The following DENND4C variants were observed in gnomAD, a reference collection of about 807,000 sequenced individuals.
DENND4C encodes DENN domain-containing protein 4C.
A neutral mutation model predicts 203.0 loss-of-function variants in DENND4C; 108 were observed. The ratio of observed to expected loss-of-function variants is 0.53; its 90% CI spans 0.46 to 0.62. The LOEUF is 0.62. Ranked by LOEUF, DENND4C falls within the 20% of genes least tolerant of loss-of-function variation. The pLI is 0.00. For missense variants in DENND4C, 2,481 were observed against 2,301.2 expected (o/e 1.08, Z -1.60); for synonymous variants, 871 against 792.4 (o/e 1.10, Z -1.67).
At chr9:19,322,117 C>A (rs908335320) in intron 12 of DENND4C, among the ~76,000 whole-genome samples, 1 of 151,954 alleles carries the variant, frequency 6.6e-6, no homozygotes, top group African/African-American at 2.4e-5. Context: ...GAAGGGAGAG[C>A]GCATACAAAT....
intron 2 of DENND4C, among the ~76,000 whole-genome samples, chr9:19,284,677 A>C (rs2131061199): frequency 6.6e-6 from 1 of 152,170 alleles, no homozygotes; most frequent in Non-Finnish European, 1.5e-5. Flanking sequence ...AATTTCATTG[A>C]GGTTAATCAT....
intron 2 of DENND4C, among the ~76,000 whole-genome samples, chr9:19,283,554 T>C (rs1834554345): frequency 6.6e-6 from 1 of 151,978 alleles, no homozygotes; most frequent in Admixed American, 6.6e-5. Flanking sequence ...TTGTATAGTA[T>C]AATTTAAACA....
At position 19,254,098 on chromosome 9, in the gene DENND4C, A is replaced by G. The variant is rs190658109; in HGVS notation, c.-17-22060A>G. On this transcript the variant is annotated intron_variant, in intron 1 of 32. Coordinates refer to ENST00000434457, the MANE Select transcript of DENND4C (RefSeq NM_001330640.2). ...GCTTTTGTTAATACAAAGTATCAAT[A>G]TGGGTATGGCGAAAGAGAACTCTTG... Among the ~76,000 whole-genome samples, 53 of 152,348 alleles carry G rather than the reference A, an allele frequency of 3.5e-4. No homozygotes were observed. The East Asian group carries it at 8.9e-3, about 25-fold the overall frequency.
chr9:19,282,334 C>T (rs1834226908), intron 2 of DENND4C, among the ~76,000 whole-genome samples: 1 of 150,968 alleles, frequency 6.6e-6, no homozygotes, highest in African/African-American at 2.4e-5. Flanking sequence ...AGGCTCACTG[C>T]AGCCTCCACC....
At position 19,357,027 on chromosome 9, in the gene DENND4C, T is replaced by C. The variant is rs376728790; in HGVS notation, c.4837T>C (p.Leu1613=). The C allele has an allele frequency of 1.6e-5, 26 of 1,614,000 alleles. No homozygotes were observed. The highest frequency in any genetic ancestry group is 1.6e-4 in the African/African-American group (12 of 75,028). ...GDSLQSGSIP[L]ANESLEHKPV... ...CAGTTTACAAAGTGGAAGCATTCCA[T>C]TGGCAAATGAATCCTTGGAGCACAA... Residue 1613 remains leucine (L), a synonymous_variant, in exon 27 of 33, where the codon TTG becomes CTG. Coordinates refer to ENST00000434457, the MANE Select transcript of DENND4C (RefSeq NM_001330640.2).
At position 19,296,520 on chromosome 9, in the gene DENND4C, C is replaced by T. The variant is rs187790005; in HGVS notation, c.1040+274C>T. Among the ~76,000 whole-genome samples, 24 of 152,032 alleles carry T rather than the reference C, an allele frequency of 1.6e-4. No individual in the cohort carries two copies. The East Asian group carries it at 3.7e-3, about 23-fold the overall frequency. ...CTGGGATTACAGGCACCTGCCACCA[C>T]GCCTGGCTAATTTTTGTAGAGACAA... is the stretch of plus-strand genomic sequence containing the variant. On this transcript the variant is annotated intron_variant, in intron 6 of 32. Transcript: ENST00000434457.
chr9:19,285,789 A>T (rs1026139149), intron 2 of DENND4C, among the ~76,000 whole-genome samples: 1 of 152,154 alleles, frequency 6.6e-6, no homozygotes, highest in African/African-American at 2.4e-5. Context: ...ATATCCAGTT[A>T]TTCCAACACT....
chr9:19,323,362 A>G (rs1264862789), intron 12 of DENND4C, among the ~76,000 whole-genome samples: 4 of 151,886 alleles, frequency 2.6e-5, no homozygotes, highest in Non-Finnish European at 4.4e-5. Flanking sequence ...CCTGGGAGGC[A>G]GAGGTTGCAG....
intron 30 of DENND4C, among the ~76,000 whole-genome samples, chr9:19,368,820 T>C (rs929231417): frequency 2.6e-5 from 4 of 151,880 alleles, no homozygotes; most frequent in African/African-American, 7.3e-5. Context: ...AATTACATCA[T>C]GTTGTACACC....
At chr9:19,256,377 T>C (rs1564091481) in intron 1 of DENND4C, among the ~76,000 whole-genome samples, 1 of 138,642 alleles carries the variant, frequency 7.2e-6, no homozygotes, top group Admixed American at 7.8e-5. Context: ...GGGCGCAATC[T>C]CTGCTCACTG....
intron 1 of DENND4C, among the ~76,000 whole-genome samples, chr9:19,251,669 A>G (rs964582263): frequency 1.3e-5 from 2 of 152,168 alleles, no homozygotes; most frequent in Non-Finnish European, 2.9e-5. Context: ...CTGCTTAGAA[A>G]TTTCTTCTGC....
chr9:19,369,045 G>A (rs779709931), intron 30 of DENND4C, among the ~76,000 whole-genome samples: 1 of 152,116 alleles, frequency 6.6e-6, no homozygotes, highest in Non-Finnish European at 1.5e-5. Flanking sequence ...AGCTATTTGG[G>A]AGGCTGAGCA....
chr9:19,285,608 C>G (rs1835046128), intron 2 of DENND4C, among the ~76,000 whole-genome samples: 1 of 136,718 alleles, frequency 7.3e-6, no homozygotes, highest in Non-Finnish European at 1.6e-5. Flanking sequence ...ACATGTTTAG[C>G]TGCTTGTGCT....
rs1829274188 is a variant in DENND4C at position 19,374,050 on chromosome 9, C to T, written c.*1877C>T. 1.3e-5 allele frequency among the ~76,000 whole-genome samples: 2 copies of T among 152,112 alleles called. No individual in the cohort carries two copies. The highest frequency in any genetic ancestry group is 2.1e-4 in the South Asian group (1 of 4,828). ...TCAAGACTTGGTACTAGTTTTAATA[C>T]TTAACACTTACTGACCCAACAGAAG... On this transcript the variant is annotated 3_prime_UTR_variant, in exon 33 of 33. Coordinates refer to ENST00000434457, the MANE Select transcript of DENND4C (RefSeq NM_001330640.2).
At position 19,288,760 on chromosome 9, in the gene DENND4C, T is replaced by G. The variant is rs2292374; in HGVS notation, c.628+95T>G. On this transcript the variant is annotated intron_variant, in intron 4 of 32. Transcript: ENST00000434457. ...GATAAAGTATGCTCCCTTACATAGTTTGTAGAATTGATCTATTCATAAAAT... is the reference window on the plus strand; with the variant it reads ...GATAAAGTATGCTCCCTTACATAGTGTGTAGAATTGATCTATTCATAAAAT... 84 of 578,508 alleles carry G rather than the reference T, an allele frequency of 1.5e-4. No homozygotes were observed. In the East Asian group the frequency reaches 2.9e-3, roughly 20 times the overall value. 35.8% of individuals were successfully genotyped at this position (578,508 alleles called of 1,614,324 possible).
chr9:19,326,272 A>T (rs1358367838), intron 15 of DENND4C, 78 bp downstream of exon 15: 2 of 1,435,392 alleles, frequency 1.4e-6, no homozygotes, highest in Non-Finnish European at 1.9e-6. Context: ...TATGTATATT[A>T]GTCTTTTGTG....
Position 19,290,886 on chromosome 9 carries a change from T to C in DENND4C, c.801+10T>C. On this transcript the variant is annotated intron_variant, in intron 5 of 32. Coordinates refer to ENST00000434457, the MANE Select transcript of DENND4C (RefSeq NM_001330640.2). The stretch of plus-strand genomic sequence containing the variant: ...TTCTTCAGCCAAAAAGGTATGTTTT[T>C]GTCTCATTGATTAAACACATTTTGT... 6.2e-7 allele frequency: 1 copy of C among 1,608,558 alleles called. No individual in the cohort carries two copies. Among genetic ancestry groups the C allele is most frequent in the East Asian group, 2.2e-5 (1 of 44,748 alleles).
intron 9 of DENND4C, among the ~76,000 whole-genome samples, chr9:19,303,088 G>T (rs7022273): frequency 0.91 from 138,395 of 151,880 alleles, 63,172 homozygotes; most frequent in East Asian, 1. Flanking sequence ...GCTTTGGATT[G>T]AGGACTTTTT....
intron 22 of DENND4C, among the ~76,000 whole-genome samples, chr9:19,343,916 A>T (rs1012862187): frequency 6.6e-6 from 1 of 152,260 alleles, no homozygotes; most frequent in Non-Finnish European, 1.5e-5. Context: ...ATTCCTTGGA[A>T]ATACTATGAG....
Sources: allele counts gnomAD v4.1 joint callset (sites outside exome capture counted in the v4.1 genomes callset), GRCh38; gene constraint gnomAD v4.1.1; transcripts MANE v1.5; gene names NCBI Gene and HGNC (gene_info 2026-07-23, HGNC 2026-07-21).